Variants in NSD2 observed in about 807,000 individuals in gnomAD.
NSD2 encodes histone-lysine N-methyltransferase NSD2.
A neutral mutation model predicts 139.0 loss-of-function variants in NSD2; 12 were observed. That is an observed-to-expected ratio of 0.09 (90% CI 0.06 to 0.14). The LOEUF (loss-of-function observed/expected upper bound fraction) is 0.14. Among genes scored for constraint, NSD2 ranks in the 10% least tolerant of loss-of-function variants. The probability of loss-of-function intolerance (pLI) is 1.00; values close to 1 mark genes in which losing one functional copy is unlikely to be tolerated. For missense variants in NSD2, 1,155 were observed against 1,745.0 expected (o/e 0.66, Z 6.02); for synonymous variants, 669 against 648.7 (o/e 1.03, Z -0.48).
chr4:1,922,385 T>C (rs1313158137), intron 5 of NSD2, among the ~76,000 whole-genome samples: 2 of 152,218 alleles, frequency 1.3e-5, no homozygotes, highest in African/African-American at 4.8e-5. Flanking sequence ...GAAATATGCA[T>C]GTAACTTTAG....
intron 9 of NSD2, chr4:1,945,400 C>T: frequency 9.4e-7 from 1 of 1,064,296 alleles, no homozygotes; most frequent in Non-Finnish European, 1.1e-6. Flanking sequence ...GTGTGTGTGT[C>T]CAGAGGTGTG....
At chr4:1,935,306 C>G (rs1722262752) in intron 7 of NSD2, 44 bp downstream of exon 7, 1 of 1,479,112 alleles carries the variant, frequency 6.8e-7, no homozygotes, top group Non-Finnish European at 9.4e-7. Context: ...AGTGTATGCT[C>G]TGTGACTCTT....
At chr4:1,888,667 C>T (rs1439986114) in intron 1 of NSD2, among the ~76,000 whole-genome samples, 5 of 151,626 alleles carry the variant, frequency 3.3e-5, no homozygotes, top group South Asian at 2.1e-4. Flanking sequence ...AGGGTTCAAG[C>T]GATTTTCCTG....
Position 1,956,907 on chromosome 4 carries a change from C to T in NSD2, c.2881+719C>T, listed in dbSNP as rs1367021573. ...TAGCTCCATGCTGCCAGAAGCTTTG[C>T]AGGCTGCACTGAGTGGTAGGAGTGC... On this transcript the variant is annotated intron_variant, in intron 15 of 21. Transcript: ENST00000508803. This position sits in a 1 kb window ranked among gnomAD's most constrained non-coding sequence, Gnocchi z 5.3. Among the ~76,000 whole-genome samples, 1 of 152,228 alleles carries T rather than the reference C, an allele frequency of 6.6e-6. No individual in the cohort carries two copies. Among genetic ancestry groups the T allele is most frequent in the East Asian group, 1.9e-4 (1 of 5,202 alleles).
chr4:1,976,424 T>C lies in NSD2; in HGVS notation c.3622-51T>C, dbSNP rs1277091677. 3 of 1,582,182 alleles carry C rather than the reference T, an allele frequency of 1.9e-6. No individual in the cohort carries two copies. The highest frequency in any genetic ancestry group is 2.6e-6 in the Non-Finnish European group (3 of 1,162,428). On this transcript the variant is annotated intron_variant, in intron 20 of 21. Transcript: ENST00000508803. This position sits in a 1 kb window ranked among gnomAD's most constrained non-coding sequence, Gnocchi z 5.3. ...TAGCTCGCTCTTCTGCCCTATTTGC[T>C]TCAGCCTGTGTAATTCTTTCCGGTG...
At chr4:1,901,350 G>A (rs752576102) in intron 2 of NSD2, 99 bp downstream of exon 2, 14 of 1,084,846 alleles carry the variant, frequency 1.3e-5, no homozygotes, top group Non-Finnish European at 1.7e-5. Flanking sequence ...GGGCGGAGAA[G>A]GTGAGGACAG....
chr4:1,949,055 T>G (rs908205720), intron 9 of NSD2, among the ~76,000 whole-genome samples: 1 of 152,194 alleles, frequency 6.6e-6, no homozygotes, highest in African/African-American at 2.4e-5. Context: ...CCAGACAGTG[T>G]GGCCACTGCT....
chr4:1,882,589 G>A (rs993701273), intron 1 of NSD2, among the ~76,000 whole-genome samples: 1 of 152,242 alleles, frequency 6.6e-6, no homozygotes, highest in South Asian at 2.1e-4. Context: ...GTGTGAACCC[G>A]GGAGGTGGAG....
At chr4:1,944,640 A>C (rs1723432986) in intron 9 of NSD2, 2 of 1,063,068 alleles carry the variant, frequency 1.9e-6, no homozygotes, top group Non-Finnish European at 2.3e-6. Flanking sequence ...TAAGTACTCC[A>C]TTGTAATAGG....
chr4:1,884,329 C>T (rs1007261683), intron 1 of NSD2, among the ~76,000 whole-genome samples: 8 of 152,074 alleles, frequency 5.3e-5, no homozygotes, highest in Non-Finnish European at 8.8e-5. Context: ...CTGCTGAGCT[C>T]AAGTGATCTG....
chr4:1,959,024 G>A (rs1013310730), intron 16 of NSD2, among the ~76,000 whole-genome samples: 2 of 152,186 alleles, frequency 1.3e-5, no homozygotes, highest in Non-Finnish European at 2.9e-5. Flanking sequence ...GCTCCTCCTG[G>A]GGTGGACTCC....
intron 1 of NSD2, among the ~76,000 whole-genome samples, chr4:1,879,824 TTGTG>T (rs140755867): frequency 0.015 from 2,226 of 144,068 alleles, 41 homozygotes; most frequent in African/African-American, 0.05. Flanking sequence ...CCCATGGCAC[TTGTG>T]TGTGTGTGTG....
chr4:1,924,801 C>CTT (rs1175680315), intron 5 of NSD2, among the ~76,000 whole-genome samples: 6 of 151,970 alleles, frequency 3.9e-5, no homozygotes, highest in African/African-American at 1.5e-4. Context: ...ATGGTGCACA[C>CTT]TTGTAGTCTT....
At position 1,880,169 on chromosome 4, in the gene NSD2, A is replaced by G. The variant is rs994491686; in HGVS notation, c.-30+8627A>G. 2.0e-5 allele frequency among the ~76,000 whole-genome samples: 3 copies of G among 152,140 alleles called. No individual in the cohort carries two copies. The East Asian group carries it at 5.8e-4, about 29-fold the overall frequency. Reference sequence around the variant, plus strand: ...CCCCTCCAAAATTCGGAGTTGGTGTAATCTTTGTAGAGCCTTGCTACACAA... The same window carrying G: ...CCCCTCCAAAATTCGGAGTTGGTGTGATCTTTGTAGAGCCTTGCTACACAA... On this transcript the variant is annotated intron_variant, in intron 1 of 21. Coordinates refer to ENST00000508803, the MANE Select transcript of NSD2 (RefSeq NM_001042424.3).
At chr4:1,967,093 C>T (rs1214228714) in intron 18 of NSD2, among the ~76,000 whole-genome samples, 1 of 152,076 alleles carries the variant, frequency 6.6e-6, no homozygotes, top group Non-Finnish European at 1.5e-5. Context: ...TGTGTGAAGA[C>T]ATTATTACTG....
chr4:1,890,032 T>G (rs997676808), intron 1 of NSD2, among the ~76,000 whole-genome samples: 2 of 152,190 alleles, frequency 1.3e-5, no homozygotes, highest in Admixed American at 6.5e-5. Flanking sequence ...TACTTCTGTC[T>G]TTATGGATTT....
chr4:1,925,772 A>G (rs953590607), intron 5 of NSD2, among the ~76,000 whole-genome samples: 1 of 148,856 alleles, frequency 6.7e-6, no homozygotes, highest in Non-Finnish European at 1.5e-5. Flanking sequence ...CTATATATAT[A>G]TTTTTTTTTG....
At chr4:1,878,230 T>G (rs187251615) in intron 1 of NSD2, among the ~76,000 whole-genome samples, 294 of 33,030 alleles carry the variant, frequency 8.9e-3, no homozygotes, top group Middle Eastern at 0.016. Flanking sequence ...CCGGCTGATA[T>G]ATATATATAT....
intron 2 of NSD2, among the ~76,000 whole-genome samples, chr4:1,904,001 T>C (rs1313402054): frequency 2.6e-5 from 4 of 152,216 alleles, no homozygotes; most frequent in African/African-American, 7.2e-5. Context: ...CCCAAAGTGC[T>C]GGGACTACAG....
Sources: gnomAD v4.1 joint callset for allele counts (sites outside exome capture counted in the v4.1 genomes callset) on GRCh38, gnomAD v4.1.1 for gene constraint, Gnocchi (gnomAD v3.1) non-coding constraint, MANE v1.5 for transcripts, NCBI Gene and HGNC (gene_info 2026-07-23, HGNC 2026-07-21) for gene names.